The following AVEN variants were observed in gnomAD, a reference collection of about 807,000 sequenced individuals.
AVEN encodes the protein cell death regulator Aven.
Under a neutral mutation model 38.1 loss-of-function variants are expected in AVEN, and 41 were observed. The ratio of observed to expected loss-of-function variants is 1.08; its 90% CI spans 0.84 to 1.40. AVEN has a LOEUF of 1.40. AVEN is among the 40% of genes most tolerant of loss of function. The pLI, the probability that AVEN is intolerant of heterozygous loss-of-function variation, is 0.00. For synonymous variants in AVEN, 206 were observed against 171.8 expected (o/e 1.20, Z -1.56); for missense variants, 605 against 438.8 (o/e 1.38, Z -3.38).
chr15:33,897,039 T>C (rs902827197), intron 2 of AVEN, among the ~76,000 whole-genome samples: 1 of 152,176 alleles, frequency 6.6e-6, no homozygotes, highest in South Asian at 2.1e-4. Flanking sequence ...GCCAATGCAT[T>C]ATGCAATGTG....
chr15:33,864,254 G>C (rs187237654), downstream of AVEN: 24 of 1,277,770 alleles, frequency 1.9e-5, no homozygotes, highest in Admixed American at 4.8e-4. Flanking sequence ...GACTTAGTAG[G>C]GCATAGGTTA....
chr15:33,930,186 T>C (rs1184084458), intron 2 of AVEN, among the ~76,000 whole-genome samples: 2 of 152,188 alleles, frequency 1.3e-5, no homozygotes, highest in Non-Finnish European at 2.9e-5. Flanking sequence ...TCTTTCTCCA[T>C]CCTTCTGGTC....
chr15:33,943,563 G>C (rs1894397356), intron 2 of AVEN, among the ~76,000 whole-genome samples: 1 of 152,092 alleles, frequency 6.6e-6, no homozygotes, highest in South Asian at 2.1e-4. Flanking sequence ...GTTACAATAG[G>C]CTGGGCACAC....
chr15:33,981,727 T>G (rs991736073), intron 2 of AVEN, among the ~76,000 whole-genome samples: 5 of 152,234 alleles, frequency 3.3e-5, no homozygotes, highest in Admixed American at 6.5e-5. Context: ...TTGAGCTTAA[T>G]TTATCTCATC....
intron 2 of AVEN, among the ~76,000 whole-genome samples, chr15:33,897,815 T>TC (rs1567402814): frequency 6.6e-6 from 1 of 151,990 alleles, no homozygotes; most frequent in African/African-American, 2.4e-5. Context: ...CAAGGAGTTT[T>TC]AGGTTAAAGC....
chr15:33,949,453 C>G (rs771179256), intron 2 of AVEN, among the ~76,000 whole-genome samples: 6 of 152,120 alleles, frequency 3.9e-5, no homozygotes, highest in Non-Finnish European at 7.3e-5. Context: ...TGATGGATAT[C>G]CTAATTACCC....
chr15:33,931,349 CTTTTTTTTTTTTTTTTTTTTTTTTTT>C (rs71119903), intron 2 of AVEN, among the ~76,000 whole-genome samples: 8 of 89,296 alleles, frequency 9.0e-5, no homozygotes, highest in Non-Finnish European at 1.0e-4. Flanking sequence ...TGAATATTTT[CTTTTTTTTTTTTTTTTTTTTTTTTTT>C]TTTTTTTTTT....
intron 2 of AVEN, among the ~76,000 whole-genome samples, chr15:33,978,180 T>G (rs540050615): frequency 3.3e-5 from 5 of 152,154 alleles, no homozygotes; most frequent in African/African-American, 1.2e-4. Context: ...AATTTCTCTC[T>G]AGGCAGAACC....
intron 11 of AVEN, chr15:33,861,036 A>G (rs1888008196): frequency 2.1e-6 from 3 of 1,405,044 alleles, no homozygotes; most frequent in Non-Finnish European, 2.0e-6. Context: ...TCCTGCCTAT[A>G]TTATGCCAAC....
chr15:33,926,482 T>C (rs556275370), intron 2 of AVEN, among the ~76,000 whole-genome samples: 6 of 152,210 alleles, frequency 3.9e-5, no homozygotes, highest in African/African-American at 1.4e-4. Context: ...TGACAGGTTA[T>C]TTAGAATCTC....
intron 2 of AVEN, among the ~76,000 whole-genome samples, chr15:33,933,581 A>AGAGAGG: frequency 7.4e-6 from 1 of 135,634 alleles, no homozygotes; most frequent in Non-Finnish European, 1.6e-5. Flanking sequence ...AGAGAGAGAG[A>AGAGAGG]ACTGAGGCAT....
intron 2 of AVEN, among the ~76,000 whole-genome samples, chr15:33,937,431 G>A (rs1350284748): frequency 6.6e-6 from 1 of 151,550 alleles, no homozygotes. Flanking sequence ...TACTCGGGAG[G>A]CTGAGGCAGG....
In AVEN at chr15:33,984,373, C is replaced by A. The variant is rs115188490; in HGVS notation, c.445+18659G>T. On this transcript the variant is annotated intron_variant, in intron 2 of 5. Coordinates refer to ENST00000306730, the MANE Select transcript of AVEN (RefSeq NM_020371.3). ...ACAAGATATTCTGCAAACTCAGTCA[C>A]TTTCCTCACCTGTTAGAATAGATTG... Among the ~76,000 whole-genome samples, 1,252 of 151,396 alleles carry A rather than the reference C, an allele frequency of 8.3e-3. 31 individuals carry two copies. The highest frequency in any genetic ancestry group is 0.032 in the South Asian group (151 of 4,702).
Position 33,953,171 on chromosome 15 carries a change from T to C in AVEN, c.445+49861A>G, listed in dbSNP as rs1432002992. Among the ~76,000 whole-genome samples the C allele has an allele frequency of 3.3e-5, 5 of 152,156 alleles. No individual in the cohort carries two copies. The East Asian group carries it at 9.6e-4, about 29-fold the overall frequency. ...CAAGTGGAAGAACATTCCATGCTCA[T>C]GGATAGGAAGAATCAATATCATGAA... On this transcript the variant is annotated intron_variant, in intron 2 of 5. Transcript: ENST00000306730.
chr15:33,898,337 G>A (rs1343488506), intron 2 of AVEN, among the ~76,000 whole-genome samples: 1 of 152,192 alleles, frequency 6.6e-6, no homozygotes, highest in Non-Finnish European at 1.5e-5. Flanking sequence ...TCCTAGGGCA[G>A]CCTTGTACAG....
intron 2 of AVEN, among the ~76,000 whole-genome samples, chr15:33,909,895 G>A (rs1436982040): frequency 7.9e-5 from 12 of 151,688 alleles, no homozygotes; most frequent in African/African-American, 2.4e-4. Flanking sequence ...TTGGGAGGCC[G>A]AGGCGGGTGG....
rs546781863 is a variant in AVEN at position 33,875,926 on chromosome 15, T to G, written c.515A>C (p.Gln172Pro). Residue 172 changes from glutamine (Q) to proline (P), a missense_variant and splice_region_variant, in exon 3 of 6, where the codon CAG becomes CCG. Transcript: ENST00000306730. ...EWDSEASCPK[Q>P]NSAFYVDSEL... ...CACTTAACACAACTCTTATCTTACC[T>G]GTTTTGGACAAGAAGCTTCACTATC... 5.6e-6 allele frequency: 9 copies of G among 1,613,304 alleles called. No homozygotes were observed. The South Asian group carries it at 7.7e-5, about 14-fold the overall frequency.
intron 2 of AVEN, among the ~76,000 whole-genome samples, chr15:33,971,591 T>C (rs1029986336): frequency 6.6e-6 from 1 of 152,086 alleles, no homozygotes; most frequent in African/African-American, 2.4e-5. Flanking sequence ...ATTAGAAACA[T>C]ACCTAAAATT....
intron 1 of AVEN, among the ~76,000 whole-genome samples, chr15:34,033,024 C>T (rs563164235): frequency 6.6e-6 from 1 of 152,236 alleles, no homozygotes; most frequent in South Asian, 2.1e-4. Flanking sequence ...TGGCAAAACT[C>T]CAACATTCCC....
Sources: allele counts gnomAD v4.1 joint callset (sites outside exome capture counted in the v4.1 genomes callset), GRCh38; gene constraint gnomAD v4.1.1; transcripts MANE v1.5; gene names NCBI Gene and HGNC (gene_info 2026-07-23, HGNC 2026-07-21).